Variants in CFAP52 observed in about 807,000 individuals in gnomAD.
CFAP52 encodes cilia- and flagella-associated protein 52.
CFAP52 carries 57 observed loss-of-function variants against 70.5 expected under a neutral mutation model. The observed-to-expected ratio is 0.81, with a 90% CI of 0.65 to 1.01. The LOEUF (loss-of-function observed/expected upper bound fraction) is 1.01. Ranked by LOEUF, CFAP52 falls within the 50% of genes least tolerant of loss-of-function variation. The probability of loss-of-function intolerance (pLI) is 0.00; values close to 1 mark genes in which losing one functional copy is unlikely to be tolerated. For synonymous variants in CFAP52, 267 were observed against 292.5 expected (o/e 0.91, Z 0.89); for missense variants, 785 against 788.5 (o/e 1.00, Z 0.05).
In CFAP52 at chr17:9,628,832, A is replaced by G; in HGVS notation, c.1174+12A>G. The G allele has an allele frequency of 4.3e-6, 7 of 1,613,886 alleles. No homozygotes were observed. The highest frequency in any genetic ancestry group is 5.9e-6 in the Non-Finnish European group (7 of 1,179,890). ...AAGCATCATTTCAGGTAACGTCCAC[A>G]TGTCAAGATCTGGCTTGGGGCTCTA... is the stretch of plus-strand genomic sequence containing the variant. On this transcript the variant is annotated intron_variant, in intron 9 of 13. Coordinates refer to ENST00000352665, the MANE Select transcript of CFAP52 (RefSeq NM_145054.5).
In CFAP52 at chr17:9,583,192, T is replaced by A. The variant is rs965064344; in HGVS notation, c.71-2581T>A. On this transcript the variant is annotated intron_variant, in intron 1 of 13. Coordinates refer to ENST00000352665, the MANE Select transcript of CFAP52 (RefSeq NM_145054.5). ...CCTGCAATTAGAAAACTATAAAAAA[T>A]TTTTAGTAGGAATAGATCACCCTAA... Among the ~76,000 whole-genome samples, 11 of 152,262 alleles carry A rather than the reference T, an allele frequency of 7.2e-5. No homozygotes were observed. In the East Asian group the frequency reaches 7.7e-4, roughly 11 times the overall value.
intron 6 of CFAP52, among the ~76,000 whole-genome samples, chr17:9,603,034 G>A (rs1296841302): frequency 6.6e-6 from 1 of 152,130 alleles, no homozygotes; most frequent in Non-Finnish European, 1.5e-5. Context: ...CTCCTGAGAT[G>A]CCTCCAAAGA....
At chr17:9,581,952 A>G (rs1431636735) in intron 1 of CFAP52, among the ~76,000 whole-genome samples, 2 of 152,156 alleles carry the variant, frequency 1.3e-5, no homozygotes, top group Non-Finnish European at 2.9e-5. Flanking sequence ...CCTTGCTATT[A>G]GTTCTGCCCA....
intron 8 of CFAP52, among the ~76,000 whole-genome samples, chr17:9,616,310 C>T (rs1384888196): frequency 7.8e-6 from 1 of 128,802 alleles, no homozygotes; most frequent in African/African-American, 3.1e-5. Flanking sequence ...AAACGGCGCA[C>T]CACGAGACTA....
chr17:9,641,876 A>G, intron 13 of CFAP52, 41 bp downstream of exon 13: 1 of 1,557,966 alleles, frequency 6.4e-7, no homozygotes, highest in Non-Finnish European at 8.8e-7. Context: ...TGGCTTATTT[A>G]GACGAGGACA....
At chr17:9,632,016 G>A (rs760354423) in intron 9 of CFAP52, among the ~76,000 whole-genome samples, 10 of 151,008 alleles carry the variant, frequency 6.6e-5, no homozygotes, top group South Asian at 4.2e-4. Context: ...CAAGTGATCC[G>A]CCTGCCTTGG....
At position 9,632,935 on chromosome 17, in the gene CFAP52, C is replaced by G. The variant is rs752727251; in HGVS notation, c.1222C>G (p.Leu408Val). ...AGCCTTCGCCCCAGAGACAGGCCGA[C>G]TGATGTATGTCATTAACAATGCTCA... ...IRAFAPETGRLMYVINNAHRI... is the reference protein window; with the variant it reads ...IRAFAPETGRVMYVINNAHRI... Residue 408 changes from leucine (L) to valine (V), a missense_variant, in exon 10 of 14, where the codon CTG becomes GTG. Physicochemically the swap from Leu to Val is conservative, Grantham distance 32 (BLOSUM62 1). Transcript: ENST00000352665. The G allele has an allele frequency of 6.2e-7, 1 of 1,614,208 alleles. No homozygotes were observed.
intron 3 of CFAP52, among the ~76,000 whole-genome samples, chr17:9,593,081 A>G (rs955559183): frequency 3.3e-5 from 5 of 152,222 alleles, no homozygotes; most frequent in Admixed American, 1.3e-4. Context: ...CCAATGTGAT[A>G]ATACATTCCA....
chr17:9,609,702 G>A (rs77686457), intron 7 of CFAP52, among the ~76,000 whole-genome samples: 10,401 of 152,030 alleles, frequency 0.068, 376 homozygotes, highest in South Asian at 0.11. Flanking sequence ...ACGAGACCTC[G>A]TCTCAATTTT....
intron 6 of CFAP52, among the ~76,000 whole-genome samples, chr17:9,606,005 A>G (rs1909475615): frequency 6.6e-6 from 1 of 152,106 alleles, no homozygotes; most frequent in Admixed American, 6.5e-5. Flanking sequence ...GGGGGAAAGA[A>G]GTATTGGGGA....
At position 9,588,167 on chromosome 17, in the gene CFAP52, G is replaced by A. The variant is rs143061433; in HGVS notation, c.407+1333G>A. Among the ~76,000 whole-genome samples, 186 of 152,318 alleles carry A rather than the reference G, an allele frequency of 1.2e-3. 1 individual carries two copies. Among genetic ancestry groups the A allele is most frequent in the African/African-American group, 4.0e-3 (167 of 41,570 alleles). On this transcript the variant is annotated intron_variant, in intron 3 of 13. Transcript: ENST00000352665. ...GACTCAGCAAGTTTAGAGTGCAGGCGTATAATTCCACTGTTAACACAGCCA... is the reference window on the plus strand; with the variant it reads ...GACTCAGCAAGTTTAGAGTGCAGGCATATAATTCCACTGTTAACACAGCCA...
intron 12 of CFAP52, among the ~76,000 whole-genome samples, chr17:9,639,683 G>A (rs1410723295): frequency 6.6e-6 from 1 of 152,146 alleles, no homozygotes; most frequent in African/African-American, 2.4e-5. Flanking sequence ...TGAGAAAGGA[G>A]ATAGAACTGG....
intron 7 of CFAP52, among the ~76,000 whole-genome samples, chr17:9,611,023 C>T (rs962424261): frequency 6.6e-6 from 1 of 152,204 alleles, no homozygotes; most frequent in African/African-American, 2.4e-5. Flanking sequence ...AGGTTTCTGA[C>T]AACTTGTCCA....
chr17:9,581,398 G>A (rs1908220713), intron 1 of CFAP52, among the ~76,000 whole-genome samples: 1 of 152,082 alleles, frequency 6.6e-6, no homozygotes, highest in South Asian at 2.1e-4. Context: ...TAAGAAAAAT[G>A]GAATAGATGT....
At chr17:9,644,818 C>A (rs1911248108), downstream of CFAP52, 1 of 152,220 alleles carries the variant, frequency 6.6e-6, no homozygotes, top group Admixed American at 6.5e-5. Context: ...TCCCTGCTTA[C>A]GGATCGGGCG....
chr17:9,592,075 G>T (rs76491800), intron 3 of CFAP52, among the ~76,000 whole-genome samples: 3 of 151,890 alleles, frequency 2.0e-5, no homozygotes, highest in African/African-American at 7.3e-5. Flanking sequence ...AAATTGACCC[G>T]TGTTAAGGTG....
At chr17:9,604,508 C>G (rs1286529810) in intron 6 of CFAP52, among the ~76,000 whole-genome samples, 1 of 152,130 alleles carries the variant, frequency 6.6e-6, no homozygotes, top group Non-Finnish European at 1.5e-5. Context: ...TGGCTTGTGC[C>G]TGTAATCCCA....
chr17:9,592,650 A>G (rs371570819), intron 3 of CFAP52, among the ~76,000 whole-genome samples: 1 of 152,170 alleles, frequency 6.6e-6, no homozygotes, highest in Non-Finnish European at 1.5e-5. Context: ...TCTTTCACTT[A>G]GCGTAATGTT....
At chr17:9,608,945 G>C (rs1222276399) in intron 7 of CFAP52, among the ~76,000 whole-genome samples, 3 of 152,184 alleles carry the variant, frequency 2.0e-5, no homozygotes, top group Admixed American at 6.5e-5. Flanking sequence ...ACATGGTCCA[G>C]ATAAAGTAAA....
Sources: allele counts gnomAD v4.1 joint callset (sites outside exome capture counted in the v4.1 genomes callset), GRCh38; gene constraint gnomAD v4.1.1; transcripts MANE v1.5; gene names NCBI Gene and HGNC (gene_info 2026-07-23, HGNC 2026-07-21).